XYLT1: variants seen among roughly 807,000 people sequenced by gnomAD.
XYLT1 encodes beta-D-xylosyltransferase 1.
A neutral mutation model predicts 91.3 loss-of-function variants in XYLT1; 36 were observed. That is an observed-to-expected ratio of 0.39 (90% CI 0.30 to 0.52). The LOEUF is 0.52. Ranked by LOEUF, XYLT1 falls within the 20% of genes least tolerant of loss-of-function variation. XYLT1 has a pLI of 0.68. For synonymous variants in XYLT1, 588 were observed against 532.0 expected (o/e 1.11, Z -1.45); for missense variants, 1,242 against 1,284.5 (o/e 0.97, Z 0.51).
At chr16:17,248,447 C>T (rs2033478549) in intron 3 of XYLT1, among the ~76,000 whole-genome samples, 1 of 152,220 alleles carries the variant, frequency 6.6e-6, no homozygotes, top group Admixed American at 6.5e-5. Flanking sequence ...CTCCATTCTC[C>T]TTGCTCAAAG....
At chr16:17,358,983 C>T (rs1233054214) in intron 1 of XYLT1, among the ~76,000 whole-genome samples, 8 of 152,000 alleles carry the variant, frequency 5.3e-5, no homozygotes, top group Non-Finnish European at 8.8e-5. Flanking sequence ...GGTACTGTCT[C>T]GGGTCATTAA....
chr16:17,322,018 T>C (rs779042804), intron 2 of XYLT1, among the ~76,000 whole-genome samples: 76 of 152,180 alleles, frequency 5.0e-4, no homozygotes, highest in Non-Finnish European at 1.9e-4. Context: ...ACCAAGCAGA[T>C]GTTTCACGAA....
chr16:17,274,626 G>A (rs1156955056), intron 2 of XYLT1, among the ~76,000 whole-genome samples: 3 of 152,120 alleles, frequency 2.0e-5, no homozygotes, highest in African/African-American at 7.2e-5. Context: ...CAAGGGTGTG[G>A]AGCCTCACAT....
chr16:17,328,014 G>C (rs533601683), intron 2 of XYLT1, among the ~76,000 whole-genome samples: 47 of 152,214 alleles, frequency 3.1e-4, no homozygotes, highest in African/African-American at 1.1e-3. Flanking sequence ...GACCATCATG[G>C]AGGGAGAAAT....
At chr16:17,371,485 T>C (rs1017194240) in intron 1 of XYLT1, among the ~76,000 whole-genome samples, 6 of 152,178 alleles carry the variant, frequency 3.9e-5, no homozygotes, top group Non-Finnish European at 7.3e-5. Context: ...GGGGTATAAA[T>C]GACACAGCAG....
In XYLT1 at chr16:17,108,610, G is replaced by C; in HGVS notation, c.*85C>G. ...CCATTCACAGAGGGCCTCCCCCAGG[G>C]TGGGAGGCCGGGGTTCAGGCCCCAC... is the stretch of plus-strand genomic sequence containing the variant. On this transcript the variant is annotated 3_prime_UTR_variant, in exon 12 of 12. Transcript: ENST00000261381. The C allele has an allele frequency of 3.0e-6, 4 of 1,348,160 alleles. No homozygotes were observed. In the South Asian group the frequency reaches 6.2e-5, roughly 21 times the overall value. The allele number at this position is 1,348,160 out of a possible 1,614,324, so 83.5% of individuals were successfully genotyped here.
chr16:17,258,555 C>T (rs16968640), intron 3 of XYLT1, among the ~76,000 whole-genome samples: 51,068 of 151,850 alleles, frequency 0.34, 9,284 homozygotes, highest in African/African-American at 0.46. Flanking sequence ...TGAAGGAAAA[C>T]GGAAAGTTAC....
chr16:17,289,088 A>G (rs771504360), intron 2 of XYLT1, among the ~76,000 whole-genome samples: 2 of 152,178 alleles, frequency 1.3e-5, no homozygotes, highest in African/African-American at 2.4e-5. Context: ...TCAAGAAATC[A>G]TTTTCTGTAA....
At chr16:17,425,467 G>T (rs2036305677) in intron 1 of XYLT1, among the ~76,000 whole-genome samples, 1 of 152,096 alleles carries the variant, frequency 6.6e-6, no homozygotes, top group South Asian at 2.1e-4. Context: ...AACCAAGAAG[G>T]TGTATTAGCT....
rs184035109 is a variant in XYLT1 at position 17,264,908 on chromosome 16, G to T, written c.403-5410C>A. The stretch of plus-strand genomic sequence containing the variant: ...GGGATGATAATAATATCCATCTCAG[G>T]CCGGGCACAGTGGCTCACACCTGTA... On this transcript the variant is annotated intron_variant, in intron 2 of 11. Coordinates refer to ENST00000261381, the MANE Select transcript of XYLT1 (RefSeq NM_022166.4). Among the ~76,000 whole-genome samples, 348 of 152,226 alleles carry T rather than the reference G, an allele frequency of 2.3e-3. 2 individuals are homozygous for T. The highest frequency in any genetic ancestry group is 2.0e-3 in the Non-Finnish European group (139 of 68,006).
intron 5 of XYLT1, among the ~76,000 whole-genome samples, chr16:17,177,342 G>A (rs1307686819): frequency 6.6e-6 from 1 of 152,110 alleles, no homozygotes; most frequent in Non-Finnish European, 1.5e-5. Flanking sequence ...ACTTCTCCAG[G>A]GAAGCTTTCC....
chr16:17,305,050 C>G (rs913337966), intron 2 of XYLT1, among the ~76,000 whole-genome samples: 1 of 152,032 alleles, frequency 6.6e-6, no homozygotes, highest in Non-Finnish European at 1.5e-5. Context: ...CACTGTGGGC[C>G]GGGGGTCATG....
At chr16:17,266,388 C>T (rs2033804806) in intron 2 of XYLT1, among the ~76,000 whole-genome samples, 1 of 152,152 alleles carries the variant, frequency 6.6e-6, no homozygotes, top group African/African-American at 2.4e-5. Flanking sequence ...CCGTTCCAAG[C>T]CTGTTGCATG....
intron 2 of XYLT1, among the ~76,000 whole-genome samples, chr16:17,292,582 G>A (rs1471653941): frequency 6.6e-6 from 1 of 152,208 alleles, no homozygotes; most frequent in Non-Finnish European, 1.5e-5. Flanking sequence ...GTATAGTCAA[G>A]TGTTTATTTA....
chr16:17,312,124 G>A lies in XYLT1; in HGVS notation c.402+45888C>T, dbSNP rs975097835. 6.6e-6 allele frequency among the ~76,000 whole-genome samples: 1 copy of A among 152,158 alleles called. No homozygotes were observed. The highest frequency in any genetic ancestry group is 1.5e-5 in the Non-Finnish European group (1 of 68,038). On this transcript the variant is annotated intron_variant, in intron 2 of 11. Coordinates refer to ENST00000261381, the MANE Select transcript of XYLT1 (RefSeq NM_022166.4). The surrounding 1 kb of genome is among the most constrained non-coding windows in gnomAD (Gnocchi z 4.4). The stretch of plus-strand genomic sequence containing the variant: ...GGTGTGAGCTGGAGGATGAAAAAGA[G>A]CTTGCCGACAGACAAGAGGAAGAGG...
Position 17,349,640 on chromosome 16 carries a change from C to T in XYLT1, c.402+8372G>A, listed in dbSNP as rs182843470. 2.2e-4 allele frequency among the ~76,000 whole-genome samples: 33 copies of T among 151,282 alleles called. No individual in the cohort carries two copies. The East Asian group carries it at 4.8e-3, about 22-fold the overall frequency. On this transcript the variant is annotated intron_variant, in intron 2 of 11. Coordinates refer to ENST00000261381, the MANE Select transcript of XYLT1 (RefSeq NM_022166.4). ...TTGGGCAAGTAACTTAACCTCTTTGCGCCTCAGTTTCTCATCTGTAAAACG... is the reference window on the plus strand; with the variant it reads ...TTGGGCAAGTAACTTAACCTCTTTGTGCCTCAGTTTCTCATCTGTAAAACG...
At chr16:17,416,333 G>C (rs571130229) in intron 1 of XYLT1, among the ~76,000 whole-genome samples, 1 of 152,312 alleles carries the variant, frequency 6.6e-6, no homozygotes, top group East Asian at 1.9e-4. Context: ...GCCTTGCCAC[G>C]ACCTCATTAG....
chr16:17,209,927 G>A (rs1049677219), intron 3 of XYLT1, among the ~76,000 whole-genome samples: 8 of 152,248 alleles, frequency 5.3e-5, no homozygotes, highest in Admixed American at 3.3e-4. Context: ...ACGGGATCTC[G>A]CTCTGTTGCC....
Position 17,162,739 on chromosome 16 carries a change from C to T in XYLT1, c.1290-3830G>A, listed in dbSNP as rs1473378632. 2.0e-5 allele frequency among the ~76,000 whole-genome samples: 3 copies of T among 152,238 alleles called. No homozygotes were observed. The East Asian group carries it at 5.8e-4, about 29-fold the overall frequency. ...AATACCTATTGAGCAACAGAGCTCACCCAATATCTATTGAGCAAAAATGTG... is the reference window on the plus strand; with the variant it reads ...AATACCTATTGAGCAACAGAGCTCATCCAATATCTATTGAGCAAAAATGTG... On this transcript the variant is annotated intron_variant, in intron 5 of 11. Coordinates refer to ENST00000261381, the MANE Select transcript of XYLT1 (RefSeq NM_022166.4).
Sources: allele counts gnomAD v4.1 joint callset (sites outside exome capture counted in the v4.1 genomes callset), GRCh38; gene constraint gnomAD v4.1.1; non-coding constraint Gnocchi (gnomAD v3.1); transcripts MANE v1.5; gene names NCBI Gene and HGNC (gene_info 2026-07-23, HGNC 2026-07-21).